Variants in PABIR3 observed in about 807,000 individuals in gnomAD.
The protein encoded by PABIR3 is PABIR family member 3, also known as PABIR family member 1.
PABIR3 carries 20 observed loss-of-function variants against 23.1 expected under a neutral mutation model. The ratio of observed to expected loss-of-function variants is 0.86; its 90% CI spans 0.61 to 1.26. The LOEUF (loss-of-function observed/expected upper bound fraction) is 1.26. PABIR3 is among the 50% of genes most tolerant of loss of function. The pLI, the probability that PABIR3 is intolerant of heterozygous loss-of-function variation, is 0.00. For missense variants in PABIR3, 189 were observed against 195.4 expected, an observed-to-expected ratio of 0.97 and a Z score of 0.20; for synonymous variants, 69 against 68.5, an observed-to-expected ratio of 1.01 and a Z score of -0.04.
At chrX:134,821,418 A>T in intron 3 of PABIR3, 1 of 1,155,072 alleles carries the variant, frequency 8.7e-7, no homozygotes, top group Non-Finnish European at 1.1e-6. Context: ...CCTTTGCTTT[A>T]TCTCCTAAGA....
downstream of PABIR3, among the ~76,000 whole-genome samples, chrX:134,855,828 A>C (rs1418798725): frequency 8.9e-6 from 1 of 111,782 alleles, no homozygotes; most frequent in Non-Finnish European, 1.9e-5. Flanking sequence ...GGATTCTATA[A>C]ATTGGCTAAG....
At chrX:134,841,337 T>C (rs1396441048) in intron 4 of PABIR3, among the ~76,000 whole-genome samples, 1 of 111,419 alleles carries the variant, frequency 9.0e-6, no homozygotes, top group Non-Finnish European at 1.9e-5. Flanking sequence ...ATTTATACTA[T>C]AGACGAAAAT....
chrX:134,841,659 T>C (rs1488339575), intron 4 of PABIR3, among the ~76,000 whole-genome samples: 1 of 109,603 alleles, frequency 9.1e-6, no homozygotes, highest in Admixed American at 9.9e-5. Flanking sequence ...TGAAACCCCA[T>C]CTCTACTAAA....
rs1192254948 is a variant in PABIR3, at chrX:134,838,654, C to T, written c.247-6551C>T. On this transcript the variant is annotated intron_variant, in intron 4 of 10. Coordinates refer to ENST00000645433, the MANE Select transcript of PABIR3 (RefSeq NM_001388447.1). The stretch of plus-strand genomic sequence containing the variant: ...TTTTCCTCCCTCTCCCTCTCCCCCT[C>T]CCCCTCCCCCCTCCCCCCCTCCCCC... The T allele has an allele frequency of 2.4e-4, 2 of 8,255 alleles. 1 individual carries two copies. The highest frequency in any genetic ancestry group is 1.6e-3 in the African/African-American group (2 of 1,251). The allele number at this position is 8,255 out of a possible 1,213,427, so 0.7% of individuals were successfully genotyped here.
intron 2 of PABIR3, among the ~76,000 whole-genome samples, chrX:134,812,118 TCTG>T (rs1029100230): frequency 2.1e-4 from 24 of 112,708 alleles, no homozygotes; most frequent in African/African-American, 6.4e-4. Context: ...TTATACTACT[TCTG>T]CTTTTTCCGA....
upstream of PABIR3, among the ~76,000 whole-genome samples, chrX:134,806,382 G>C (rs1022406828): frequency 9.0e-6 from 1 of 111,173 alleles, no homozygotes; most frequent in Non-Finnish European, 1.9e-5. Flanking sequence ...TTGGGAGGAC[G>C]AGGCGGGCGG....
At chrX:134,796,364 G>C (rs1280411755), upstream of PABIR3, 1 of 391,989 alleles carries the variant, frequency 2.6e-6, no homozygotes, top group African/African-American at 2.7e-5. Flanking sequence ...GGCTGGGGGC[G>C]GAGAAAAGTA....
chrX:134,796,487 G>A, upstream of PABIR3: 1 of 286,570 alleles, frequency 3.5e-6, no homozygotes, highest in Non-Finnish European at 6.2e-6. Flanking sequence ...AAAGGATGAA[G>A]GAAAGAAGGA....
chrX:134,821,895 G>C, intron 3 of PABIR3: 6 of 757,815 alleles, frequency 7.9e-6, no homozygotes, highest in Non-Finnish European at 9.4e-6. Flanking sequence ...GTAGGAAATG[G>C]CTTAAAAACA....
chrX:134,800,029 A>C (rs1162795153), intron 1 of PABIR3: 1 of 109,231 alleles, frequency 9.2e-6, no homozygotes, highest in Non-Finnish European at 1.9e-5. Context: ...GCAGTGGCTC[A>C]CACCTGTAAT....
chrX:134,846,233 C>T (rs187486138), intron 6 of PABIR3, among the ~76,000 whole-genome samples: 3 of 111,401 alleles, frequency 2.7e-5, no homozygotes, highest in Admixed American at 1.9e-4. Context: ...GGGGAATTTG[C>T]CCCCATGATT....
chrX:134,822,805 A>G (rs949321581), intron 3 of PABIR3: 1 of 209,396 alleles, frequency 4.8e-6, no homozygotes, highest in African/African-American at 3.1e-5. Flanking sequence ...AGAAAAGATA[A>G]CTATTAGGTA....
At chrX:134,812,145 C>T (rs1212811920) in intron 2 of PABIR3, among the ~76,000 whole-genome samples, 1 of 112,467 alleles carries the variant, frequency 8.9e-6, no homozygotes, top group Non-Finnish European at 1.9e-5. Flanking sequence ...AAAAGTAGCA[C>T]TTAGTTCAGA....
chrX:134,813,268 A>G (rs1386014796), intron 2 of PABIR3, among the ~76,000 whole-genome samples: 2 of 112,335 alleles, frequency 1.8e-5, no homozygotes, highest in Non-Finnish European at 3.8e-5. Flanking sequence ...GGCACTGAAG[A>G]GAGTCACTGA....
intron 2 of PABIR3, among the ~76,000 whole-genome samples, chrX:134,812,326 A>G (rs2080721227): frequency 8.9e-6 from 1 of 112,050 alleles, no homozygotes; most frequent in African/African-American, 3.2e-5. Flanking sequence ...GTACACAAAA[A>G]AGAATGGAAA....
At chrX:134,835,732 C>A (rs1026992965) in intron 4 of PABIR3, 1 of 112,035 alleles carries the variant, frequency 8.9e-6, no homozygotes, top group African/African-American at 3.2e-5. Flanking sequence ...TAGCTCACTG[C>A]AGCCTCAACC....
intron 3 of PABIR3, among the ~76,000 whole-genome samples, chrX:134,819,883 T>TCAAAAA (rs1018792657): frequency 9.0e-5 from 10 of 111,122 alleles, no homozygotes; most frequent in Non-Finnish European, 1.3e-4. Context: ...AGACTCTGTC[T>TCAAAAA]CAAAAACAAA....
At chrX:134,809,451 C>T in intron 2 of PABIR3, 1 of 743,269 alleles carries the variant, frequency 1.3e-6, no homozygotes, top group Non-Finnish European at 1.6e-6. Context: ...AGGCGTGAGC[C>T]ACTGCGCCTG....
chrX:134,809,567 T>C (rs2080511089), intron 2 of PABIR3: 3 of 752,100 alleles, frequency 4.0e-6, no homozygotes, highest in South Asian at 6.8e-5. Flanking sequence ...GAAAAATGCA[T>C]TCACTACATA....
Sources: allele counts gnomAD v4.1 joint callset (sites outside exome capture counted in the v4.1 genomes callset), GRCh38; gene constraint gnomAD v4.1.1; transcripts MANE v1.5; gene names NCBI Gene and HGNC (gene_info 2026-07-23, HGNC 2026-07-21).